The following NCKAP5 variants were observed in gnomAD, a reference collection of about 807,000 sequenced individuals.
NCKAP5 encodes the protein nck-associated protein 5.
Under a neutral mutation model 167.0 loss-of-function variants are expected in NCKAP5, and 92 were observed. That is an observed-to-expected ratio of 0.55 (90% CI 0.47 to 0.66). The LOEUF (loss-of-function observed/expected upper bound fraction) is 0.66, where lower values mean the gene tolerates loss of function less well. Among genes scored for constraint, NCKAP5 ranks in the 30% least tolerant of loss-of-function variants. The pLI is 0.00. For missense variants in NCKAP5, 2,378 were observed against 2,315.0 expected, an observed-to-expected ratio of 1.03 and a Z score of -0.56; for synonymous variants, 891 against 877.4, an observed-to-expected ratio of 1.02 and a Z score of -0.27.
chr2:133,605,746 T>C, the NCKAP5 span, among the ~76,000 whole-genome samples: 1 of 152,206 alleles, frequency 6.6e-6, no homozygotes, highest in Non-Finnish European at 1.5e-5. Context: ...GAGCATCTTA[T>C]TCCTTGAAAA....
chr2:132,916,594 G>A (rs1694898580), intron 8 of NCKAP5, among the ~76,000 whole-genome samples: 1 of 152,088 alleles, frequency 6.6e-6, no homozygotes, highest in Non-Finnish European at 1.5e-5. Context: ...TTTGAATTCT[G>A]TGGTTTTCCA....
At chr2:133,657,201 C>T in the NCKAP5 span, among the ~76,000 whole-genome samples, 12 of 152,178 alleles carry the variant, frequency 7.9e-5, no homozygotes, top group East Asian at 1.9e-4. Context: ...GACATCAACA[C>T]GAAACACCTC....
chr2:133,515,218 C>T (rs969058840), intron 3 of NCKAP5, among the ~76,000 whole-genome samples: 1 of 152,166 alleles, frequency 6.6e-6, no homozygotes, highest in Non-Finnish European at 1.5e-5. Context: ...CCCAAAGAAT[C>T]AACTCAAAAA....
At chr2:133,630,959 A>G in the NCKAP5 span, among the ~76,000 whole-genome samples, 1 of 152,238 alleles carries the variant, frequency 6.6e-6, no homozygotes, top group Non-Finnish European at 1.5e-5. Flanking sequence ...GACAATGTAT[A>G]TGTGAAAGAT....
intron 4 of NCKAP5, among the ~76,000 whole-genome samples, chr2:133,298,695 T>C (rs559633378): frequency 6.6e-6 from 1 of 152,274 alleles, no homozygotes; most frequent in Admixed American, 6.5e-5. Flanking sequence ...TTTTTGTAAA[T>C]TTTTCTTTTG....
chr2:132,783,644 G>T lies in NCKAP5; in HGVS notation c.3167C>A (p.Thr1056Asn). Residue 1056 changes from threonine to asparagine, a missense_variant, in exon 14 of 20, where the codon ACC (threonine) becomes AAC (asparagine). This residue lies in a region of NCKAP5 where 1,325 missense variants were observed against 1,274.5 expected (regional missense o/e 1.04). Transcript: ENST00000409261. ...CTGTAATCCTATGTCCCTTTGTGGG[G>T]TCCCAAGTGTTTGGCGAGGAGAGGT... ...PKTSPRQTLGTPQRDIGLQTP... is the reference protein window; with the variant it reads ...PKTSPRQTLGNPQRDIGLQTP... The T allele has an allele frequency of 6.2e-7, 1 of 1,613,918 alleles. No homozygotes were observed. Among genetic ancestry groups the T allele is most frequent in the Non-Finnish European group, 8.5e-7 (1 of 1,179,880 alleles).
intron 6 of NCKAP5, among the ~76,000 whole-genome samples, chr2:133,106,107 A>C (rs981094699): frequency 4.0e-5 from 6 of 150,954 alleles, no homozygotes; most frequent in African/African-American, 1.5e-4. Context: ...TCCTGGCTAA[A>C]ATGGTGAAAC....
rs1430413158 is a variant in NCKAP5, at chr2:132,728,850, T to A, written c.5546A>T (p.Asp1849Val). 4 of 1,613,930 alleles carry A rather than the reference T, an allele frequency of 2.5e-6. No individual in the cohort carries two copies. The highest frequency in any genetic ancestry group is 2.2e-5 in the South Asian group (2 of 91,086). ...EDPMASQPLPDWGSEVAATGT... is the reference protein window; with the variant it reads ...EDPMASQPLPVWGSEVAATGT... ...GGTGGCAGCAACTTCACTCCCCCAG[T>A]CTGGAAGCGGCTGGCTTGCCATTGG... Residue 1849 changes from aspartate (D) to valine (V), a missense_variant, in exon 18 of 20, where the codon GAC becomes GTC. Asp to Val is a radical substitution (Grantham distance 152). Transcript: ENST00000409261.
intron 6 of NCKAP5, among the ~76,000 whole-genome samples, chr2:133,068,389 G>A (rs2080271762): frequency 6.6e-6 from 1 of 152,200 alleles, no homozygotes; most frequent in African/African-American, 2.4e-5. Context: ...GTTTCATATG[G>A]TCTGTATTTC....
intron 8 of NCKAP5, among the ~76,000 whole-genome samples, chr2:132,953,487 T>C (rs1268067026): frequency 6.6e-6 from 1 of 152,114 alleles, no homozygotes; most frequent in Non-Finnish European, 1.5e-5. Flanking sequence ...AATTAGTATA[T>C]TTTTAATTAT....
chr2:133,599,738 TG>T, the NCKAP5 span, among the ~76,000 whole-genome samples: 1 of 152,312 alleles, frequency 6.6e-6, no homozygotes, highest in African/African-American at 2.4e-5. Flanking sequence ...AAGCCCTTCT[TG>T]CCCTCCTGGG....
At chr2:133,328,251 C>T (rs916969265) in intron 3 of NCKAP5, among the ~76,000 whole-genome samples, 1 of 152,158 alleles carries the variant, frequency 6.6e-6, no homozygotes, top group Admixed American at 6.5e-5. Context: ...CTCAGTCCCC[C>T]AAATTCGCTG....
intron 7 of NCKAP5, among the ~76,000 whole-genome samples, chr2:132,970,662 A>G (rs1452207204): frequency 6.6e-6 from 1 of 152,230 alleles, no homozygotes; most frequent in African/African-American, 2.4e-5. Flanking sequence ...AGCAATCCTT[A>G]GAGCTGTAAG....
chr2:133,595,202 T>G, the NCKAP5 span, among the ~76,000 whole-genome samples: 4 of 152,178 alleles, frequency 2.6e-5, no homozygotes, highest in Non-Finnish European at 5.9e-5. Context: ...TTATGCGCAT[T>G]GATACCTTGT....
intron 5 of NCKAP5, among the ~76,000 whole-genome samples, chr2:133,190,855 G>A (rs1434776899): frequency 6.6e-6 from 1 of 152,134 alleles, no homozygotes; most frequent in Non-Finnish European, 1.5e-5. Flanking sequence ...CAGGACATAG[G>A]CATGGACAAG....
chr2:133,479,440 C>G lies in NCKAP5; in HGVS notation c.69+38018G>C, dbSNP rs72846380. Reference sequence around the variant, plus strand: ...ATGTTAACTCAGTTCTGGTTATTGTCAAAACTGATGTTTCTCCACCATGGA... The same window carrying G: ...ATGTTAACTCAGTTCTGGTTATTGTGAAAACTGATGTTTCTCCACCATGGA... On this transcript the variant is annotated intron_variant, in intron 3 of 19. Transcript: ENST00000409261. 5.3e-5 allele frequency among the ~76,000 whole-genome samples: 8 copies of G among 152,256 alleles called. 2 individuals are homozygous for G. Among genetic ancestry groups the G allele is most frequent in the African/African-American group, 1.9e-4 (8 of 41,532 alleles).
chr2:132,733,509 T>C (rs1691223737), intron 16 of NCKAP5, among the ~76,000 whole-genome samples: 1 of 152,188 alleles, frequency 6.6e-6, no homozygotes, highest in African/African-American at 2.4e-5. Flanking sequence ...GCTGTGAGGA[T>C]TAAAGTATGT....
At chr2:133,448,940 CATAG>C (rs1438050428) in intron 3 of NCKAP5, among the ~76,000 whole-genome samples, 1 of 152,192 alleles carries the variant, frequency 6.6e-6, no homozygotes, top group African/African-American at 2.4e-5. Context: ...TATAAAATAA[CATAG>C]ATAGACAAGA....
chr2:132,934,932 C>T (rs568518293), intron 8 of NCKAP5, among the ~76,000 whole-genome samples: 1 of 152,316 alleles, frequency 6.6e-6, no homozygotes, highest in Admixed American at 6.5e-5. Flanking sequence ...TCACAGGTAG[C>T]TGCCCTAATT....
Sources: allele counts gnomAD v4.1 joint callset (sites outside exome capture counted in the v4.1 genomes callset), GRCh38; gene constraint gnomAD v4.1.1; regional missense constraint gnomAD v4.1.1; transcripts MANE v1.5; gene names NCBI Gene and HGNC (gene_info 2026-07-23, HGNC 2026-07-21).